STAT4: variants seen among roughly 807,000 people sequenced by gnomAD.
STAT4 encodes the protein signal transducer and activator of transcription 4.
Under a neutral mutation model 110.5 loss-of-function variants are expected in STAT4, and 42 were observed. That is an observed-to-expected ratio of 0.38 (90% CI 0.30 to 0.49). The LOEUF is 0.49. Ranked by LOEUF, STAT4 falls within the 20% of genes least tolerant of loss-of-function variation. STAT4 has a pLI of 0.95. For synonymous variants in STAT4, 284 were observed against 302.2 expected (o/e 0.94, Z 0.63); for missense variants, 632 against 887.9 (o/e 0.71, Z 3.66).
At position 191,098,362 on chromosome 2, in the gene STAT4, C is replaced by G. The variant is rs1698064272; in HGVS notation, c.274-22037G>C. ...ACAATAGCAAAAACTTGGAACCAAC[C>G]CAAATGTCCATCAATGATAGACTGG... On this transcript the variant is annotated intron_variant, in intron 3 of 23. Transcript: ENST00000392320. 3.3e-5 allele frequency among the ~76,000 whole-genome samples: 5 copies of G among 152,300 alleles called. No homozygotes were observed. The South Asian group carries it at 1.0e-3, about 32-fold the overall frequency.
intron 3 of STAT4, among the ~76,000 whole-genome samples, chr2:191,108,597 C>G (rs1264236765): frequency 6.6e-6 from 1 of 152,186 alleles, no homozygotes; most frequent in Admixed American, 6.5e-5. Flanking sequence ...TTCAGCACTT[C>G]ATGCATGCAA....
chr2:191,073,257 G>T, intron 4 of STAT4, 67 bp from the exon 5 acceptor site: 2 of 1,314,696 alleles, frequency 1.5e-6, no homozygotes, highest in Admixed American at 1.7e-5. Context: ...AATACATACC[G>T]CATACAATTC....
At chr2:191,076,705 G>C (rs1483042269) in intron 3 of STAT4, among the ~76,000 whole-genome samples, 1 of 150,724 alleles carries the variant, frequency 6.6e-6, no homozygotes, top group Non-Finnish European at 1.5e-5. Context: ...GAGTGCAATG[G>C]TAGAATCTCA....
intron 3 of STAT4, among the ~76,000 whole-genome samples, chr2:191,119,864 C>T (rs898484621): frequency 3.9e-5 from 6 of 152,040 alleles, no homozygotes; most frequent in African/African-American, 1.4e-4. Flanking sequence ...ATAAAAGTCC[C>T]CAGATTCATG....
chr2:191,118,088 T>C (rs1052243456), intron 3 of STAT4, among the ~76,000 whole-genome samples: 1 of 152,212 alleles, frequency 6.6e-6, no homozygotes, highest in Admixed American at 6.5e-5. Flanking sequence ...CTCAGGTTGA[T>C]GATGGGATGA....
chr2:191,102,429 G>T (rs1340218328), intron 3 of STAT4, among the ~76,000 whole-genome samples: 1 of 152,044 alleles, frequency 6.6e-6, no homozygotes, highest in Non-Finnish European at 1.5e-5. Context: ...AATTACCATT[G>T]AATTTATTGA....
Position 191,076,270 on chromosome 2 carries a change from C to T in STAT4, c.329G>A (p.Arg110Lys), listed in dbSNP as rs1287831571. 2 of 1,613,552 alleles carry T rather than the reference C, an allele frequency of 1.2e-6. No homozygotes were observed. The highest frequency in any genetic ancestry group is 1.7e-6 in the Non-Finnish European group (2 of 1,179,856). Residue 110 changes from arginine (R) to lysine (K), a missense_variant, in exon 4 of 24, where the codon AGG (arginine) becomes AAG (lysine). Transcript: ENST00000392320. ...HVAVVISNCL[R>K]EERRILAAAN... ...TGCAGCCAATATTCTCCTCTCTTCC[C>T]TTAAACAGTTTGAAATAACCACAGC...
chr2:191,111,295 A>G (rs1270373483), intron 3 of STAT4, among the ~76,000 whole-genome samples: 3 of 152,186 alleles, frequency 2.0e-5, no homozygotes, highest in Admixed American at 1.3e-4. Flanking sequence ...TATAGTTAAC[A>G]TTTTAGGAAG....
At position 191,066,108 on chromosome 2, in the gene STAT4, G is replaced by C. The variant is rs1696977739; in HGVS notation, c.630+322C>G. On this transcript the variant is annotated intron_variant, in intron 7 of 23. Transcript: ENST00000392320. This position sits in a 1 kb window ranked among gnomAD's most constrained non-coding sequence, Gnocchi z 4.3. ...TATATGTGCAGTGGAACCCATCTCA[G>C]CATATTAAGTACAGCAACTGAAACA... Among the ~76,000 whole-genome samples, 2 of 152,090 alleles carry C rather than the reference G, an allele frequency of 1.3e-5. No homozygotes were observed. The highest frequency in any genetic ancestry group is 4.8e-5 in the African/African-American group (2 of 41,416).
chr2:191,122,327 G>GAAA (rs71030324), intron 3 of STAT4, among the ~76,000 whole-genome samples: 26 of 139,862 alleles, frequency 1.9e-4, no homozygotes, highest in African/African-American at 6.7e-4. Context: ...TCATAAAAAT[G>GAAA]AAAAAAAAAA....
intron 3 of STAT4, among the ~76,000 whole-genome samples, chr2:191,100,947 G>A (rs954773586): frequency 3.9e-5 from 6 of 152,018 alleles, no homozygotes; most frequent in African/African-American, 7.2e-5. Flanking sequence ...CTGGAGGTCC[G>A]AAGTCAAGGG....
intron 14 of STAT4, among the ~76,000 whole-genome samples, chr2:191,052,156 C>T (rs1448684654): frequency 6.6e-6 from 1 of 152,108 alleles, no homozygotes; most frequent in Admixed American, 6.6e-5. Context: ...ACTTTATTGC[C>T]CGTTCTTTCC....
rs563045726 is a variant in STAT4, at chr2:191,098,955, A to T, written c.274-22630T>A. 1.1e-4 allele frequency among the ~76,000 whole-genome samples: 17 copies of T among 151,786 alleles called. No individual in the cohort carries two copies. The East Asian group carries it at 2.9e-3, about 26-fold the overall frequency. ...ACTTAGGAGAACATTAGTAATTCATAAAAAATAATTATTAATATATAAAAT... is the reference window on the plus strand; with the variant it reads ...ACTTAGGAGAACATTAGTAATTCATTAAAAATAATTATTAATATATAAAAT... On this transcript the variant is annotated intron_variant, in intron 3 of 23. Coordinates refer to ENST00000392320, the MANE Select transcript of STAT4 (RefSeq NM_003151.4).
rs960834922 is a variant in STAT4, at chr2:191,099,426, G to A, written c.274-23101C>T. ...GTACAAGATCGTTTGTTTCAATCCT[G>A]TTTATAGTGGAGAACCAAAAGTAAA... On this transcript the variant is annotated intron_variant, in intron 3 of 23. Coordinates refer to ENST00000392320, the MANE Select transcript of STAT4 (RefSeq NM_003151.4). This position sits in a 1 kb window ranked among gnomAD's most constrained non-coding sequence, Gnocchi z 4.1. 3.3e-5 allele frequency among the ~76,000 whole-genome samples: 5 copies of A among 152,096 alleles called. No individual in the cohort carries two copies. The East Asian group carries it at 9.6e-4, about 29-fold the overall frequency.
At chr2:191,118,539 G>A (rs114832320) in intron 3 of STAT4, among the ~76,000 whole-genome samples, 2,289 of 152,154 alleles carry the variant, frequency 0.015, 57 homozygotes, top group African/African-American at 0.052. Flanking sequence ...ATTTCAGTGT[G>A]TTCAGATATA....
intron 3 of STAT4, among the ~76,000 whole-genome samples, chr2:191,100,530 A>G (rs538792418): frequency 6.6e-6 from 1 of 152,248 alleles, no homozygotes; most frequent in Admixed American, 6.5e-5. Flanking sequence ...CCACTCTGGA[A>G]AAGATGCTAA....
intron 3 of STAT4, among the ~76,000 whole-genome samples, chr2:191,118,824 T>G (rs1443400288): frequency 1.3e-5 from 2 of 152,172 alleles, no homozygotes; most frequent in Non-Finnish European, 2.9e-5. Flanking sequence ...AGTGGCTTGA[T>G]CATAGCTCAC....
Position 191,061,873 on chromosome 2 carries a change from G to T in STAT4, c.942-52C>A, listed in dbSNP as rs942345305. The T allele has an allele frequency of 6.5e-7, 1 of 1,542,804 alleles. No homozygotes were observed. The highest frequency in any genetic ancestry group is 1.1e-5 in the South Asian group (1 of 87,712). ...CATTTGAAAACACTGAAAATATTGA[G>T]ACTGAAAACCACAGAGGAACAGGAT... On this transcript the variant is annotated intron_variant, in intron 9 of 23. Transcript: ENST00000392320. The surrounding 1 kb of genome is among the most constrained non-coding windows in gnomAD (Gnocchi z 6.2).
At chr2:191,134,839 A>C (rs1180228354) in intron 3 of STAT4, among the ~76,000 whole-genome samples, 1 of 152,230 alleles carries the variant, frequency 6.6e-6, no homozygotes, top group Non-Finnish European at 1.5e-5. Flanking sequence ...TCATTGCATC[A>C]AGGAAGAAAT....
Sources: allele counts gnomAD v4.1 joint callset (sites outside exome capture counted in the v4.1 genomes callset), GRCh38; gene constraint gnomAD v4.1.1; non-coding constraint Gnocchi (gnomAD v3.1); transcripts MANE v1.5; gene names NCBI Gene and HGNC (gene_info 2026-07-23, HGNC 2026-07-21).